The following SEMA3C variants were observed in gnomAD, a reference collection of about 807,000 sequenced individuals.
SEMA3C encodes the protein semaphorin-3C.
A neutral mutation model predicts 89.4 loss-of-function variants in SEMA3C; 47 were observed. The observed-to-expected ratio is 0.53, with a 90% CI of 0.42 to 0.67. The LOEUF (loss-of-function observed/expected upper bound fraction) is 0.67. SEMA3C is among the 30% of genes least tolerant of loss of function. SEMA3C has a pLI of 0.00. For missense variants in SEMA3C, 839 were observed against 929.1 expected (o/e 0.90, Z 1.26); for synonymous variants, 310 against 320.2 (o/e 0.97, Z 0.34).
intron 2 of SEMA3C, among the ~76,000 whole-genome samples, chr7:80,908,029 T>C (rs1348598555): frequency 6.6e-6 from 1 of 152,134 alleles, no homozygotes. Context: ...GTATAATATT[T>C]ATACAAGCCA....
At chr7:80,745,374 A>G in intron 17 of SEMA3C, 67 bp from the exon 18 acceptor site, 1 of 1,428,918 alleles carries the variant, frequency 7.0e-7, no homozygotes, top group South Asian at 1.2e-5. Context: ...TGACCAACAT[A>G]CACAGAATAG....
intron 12 of SEMA3C, among the ~76,000 whole-genome samples, chr7:80,774,125 T>C (rs1014354292): frequency 3.3e-5 from 5 of 152,186 alleles, no homozygotes. Context: ...CCTGTAAAAC[T>C]GGAGTGACAT....
chr7:80,918,752 T>C, intron 1 of SEMA3C, 76 bp downstream of exon 1: 2 of 903,004 alleles, frequency 2.2e-6, no homozygotes, highest in South Asian at 5.1e-5. Context: ...TACCAATGTA[T>C]GAAAAATCAA....
chr7:80,769,767 G>A (rs567144433), intron 12 of SEMA3C, among the ~76,000 whole-genome samples: 3 of 145,180 alleles, frequency 2.1e-5, no homozygotes, highest in African/African-American at 7.6e-5. Flanking sequence ...GCTGAGGCAT[G>A]AGAATCGCTC....
At chr7:80,786,600 AG>A in intron 12 of SEMA3C, among the ~76,000 whole-genome samples, 1 of 152,358 alleles carries the variant, frequency 6.6e-6, no homozygotes, top group Non-Finnish European at 1.5e-5. Context: ...ATCTGAGCTA[AG>A]GCTAAAAGCA....
intron 12 of SEMA3C, among the ~76,000 whole-genome samples, chr7:80,780,547 A>G (rs1788667170): frequency 6.6e-6 from 1 of 152,202 alleles, no homozygotes; most frequent in Non-Finnish European, 1.5e-5. Flanking sequence ...TTAAGTTTCT[A>G]TTGCTGTCAT....
chr7:80,919,434 G>T, upstream of SEMA3C: 1 of 940,480 alleles, frequency 1.1e-6, no homozygotes, highest in Non-Finnish European at 1.3e-6. Flanking sequence ...GCTTTGCCTG[G>T]CCGTAAATAT....
At chr7:80,886,579 A>G (rs1195019904) in intron 2 of SEMA3C, among the ~76,000 whole-genome samples, 3 of 151,914 alleles carry the variant, frequency 2.0e-5, no homozygotes, top group South Asian at 4.2e-4. Context: ...GTCTCGAACT[A>G]CTGACCTCAT....
At chr7:80,836,123 T>A (rs1250524706) in intron 2 of SEMA3C, among the ~76,000 whole-genome samples, 1 of 152,132 alleles carries the variant, frequency 6.6e-6, no homozygotes, top group Admixed American at 6.6e-5. Flanking sequence ...GACGAGTAGA[T>A]ACCATACTCT....
intron 11 of SEMA3C, among the ~76,000 whole-genome samples, 180 bp downstream of exon 11, chr7:80,797,912 C>A (rs1348358244): frequency 1.3e-5 from 2 of 152,002 alleles, no homozygotes; most frequent in African/African-American, 4.8e-5. Flanking sequence ...GCAGGAGAAT[C>A]GCTTGAACCC....
chr7:80,830,559 A>AT (rs914248817), intron 2 of SEMA3C, among the ~76,000 whole-genome samples: 20 of 152,192 alleles, frequency 1.3e-4, no homozygotes, highest in African/African-American at 4.3e-4. Flanking sequence ...AAAATACAGG[A>AT]TTTTTTATGT....
intron 15 of SEMA3C, among the ~76,000 whole-genome samples, chr7:80,754,526 C>T (rs114122122): frequency 0.01 from 1,532 of 151,384 alleles, 18 homozygotes; most frequent in African/African-American, 0.035. Flanking sequence ...ATGAAAAACT[C>T]ATATGGGAAT....
chr7:80,843,212 T>G (rs944957340), intron 2 of SEMA3C, among the ~76,000 whole-genome samples: 65 of 152,138 alleles, frequency 4.3e-4, no homozygotes, highest in African/African-American at 1.5e-3. Flanking sequence ...CCTGAATCGT[T>G]TCCAACACAT....
chr7:80,826,251 T>G (rs1789870394), intron 4 of SEMA3C, among the ~76,000 whole-genome samples: 1 of 152,150 alleles, frequency 6.6e-6, no homozygotes, highest in East Asian at 1.9e-4. Flanking sequence ...GATCCATCTC[T>G]ACTTCCAAGA....
intron 2 of SEMA3C, among the ~76,000 whole-genome samples, chr7:80,863,402 A>G (rs61692570): frequency 0.1 from 15,587 of 151,700 alleles, 1,119 homozygotes; most frequent in African/African-American, 0.19. Flanking sequence ...CTTCTACACT[A>G]CTGGTAAGAA....
At chr7:80,920,986 T>G (rs1481730683), upstream of SEMA3C, among the ~76,000 whole-genome samples, 4 of 152,226 alleles carry the variant, frequency 2.6e-5, no homozygotes, top group African/African-American at 9.6e-5. Context: ...TGTTAGAAAT[T>G]GATCAGCAAA....
intron 2 of SEMA3C, among the ~76,000 whole-genome samples, chr7:80,841,253 T>C (rs1562900779): frequency 6.6e-6 from 1 of 152,214 alleles, no homozygotes; most frequent in African/African-American, 2.4e-5. Flanking sequence ...TGCTTCATGA[T>C]ACAATATTAA....
intron 12 of SEMA3C, among the ~76,000 whole-genome samples, chr7:80,766,955 C>T (rs1049283555): frequency 2.0e-5 from 3 of 152,142 alleles, no homozygotes; most frequent in African/African-American, 7.2e-5. Flanking sequence ...ACCATGCCTG[C>T]GGACAGCTCA....
chr7:80,817,885 T>C (rs72612626), intron 5 of SEMA3C, among the ~76,000 whole-genome samples: 6,682 of 152,240 alleles, frequency 0.044, 377 homozygotes, highest in East Asian at 0.26. Context: ...AGGTTAAGTT[T>C]ATGCTACAAT....
Sources: allele counts gnomAD v4.1 joint callset (sites outside exome capture counted in the v4.1 genomes callset), GRCh38; gene constraint gnomAD v4.1.1; transcripts MANE v1.5; gene names NCBI Gene and HGNC (gene_info 2026-07-23, HGNC 2026-07-21).